The following NCOR2 variants were observed in gnomAD, a reference collection of about 807,000 sequenced individuals.
NCOR2 encodes nuclear receptor corepressor 2.
NCOR2 carries 81 observed loss-of-function variants against 262.9 expected under a neutral mutation model. The observed-to-expected ratio is 0.31, with a 90% CI of 0.26 to 0.37. The LOEUF (loss-of-function observed/expected upper bound fraction) is 0.37, where lower values mean the gene tolerates loss of function less well. Among genes scored for constraint, NCOR2 ranks in the 10% least tolerant of loss-of-function variants. NCOR2 has a pLI of 1.00. For synonymous variants in NCOR2, 1,659 were observed against 1,559.3 expected (o/e 1.06, Z -1.51); for missense variants, 3,385 against 3,621.4 (o/e 0.93, Z 1.68).
chr12:124,432,524 G>A lies in NCOR2; in HGVS notation c.883-1737C>T, dbSNP rs574238435. On this transcript the variant is annotated intron_variant, in intron 8 of 46. Coordinates refer to ENST00000405201, the Ensembl canonical transcript of NCOR2. This position sits in a 1 kb window ranked among gnomAD's most constrained non-coding sequence, Gnocchi z 5.1. The stretch of plus-strand genomic sequence containing the variant: ...AGCAGCCACATGCGGCTGGGGCTCC[G>A]GCCGCACCAGACAGCCCGGATGGAG... Among the ~76,000 whole-genome samples, 183 of 152,262 alleles carry A rather than the reference G, an allele frequency of 1.2e-3. 3 individuals carry two copies. Among genetic ancestry groups the A allele is most frequent in the African/African-American group, 4.1e-3 (171 of 41,534 alleles).
chr12:124,326,231 CG>C lies in NCOR2; in HGVS notation c.7322del (p.Pro2441ArgfsTer24). 6.5e-7 allele frequency: 1 copy of C among 1,539,740 alleles called. No individual in the cohort carries two copies. Among genetic ancestry groups the C allele is most frequent in the Non-Finnish European group, 8.7e-7 (1 of 1,143,640 alleles). On this transcript the variant is annotated frameshift_variant, in exon 46 of 47. Transcript: ENST00000405201. LOFTEE classifies it high-confidence loss of function. ...TGTCCTCCCACACGCGGTTGGTGAG[CG>C]GCGTCCGGCGGTTGCAGTCTCCCTC...
intron 1 of NCOR2, among the ~76,000 whole-genome samples, chr12:124,511,639 T>G (rs1444044452): frequency 6.6e-6 from 1 of 152,106 alleles, no homozygotes; most frequent in Non-Finnish European, 1.5e-5. Flanking sequence ...GTCTAGGGCC[T>G]TGTGGATTTG....
intron 13 of NCOR2, among the ~76,000 whole-genome samples, chr12:124,415,053 CCA>C (rs2042783201): frequency 6.6e-6 from 1 of 152,240 alleles, no homozygotes; most frequent in East Asian, 1.9e-4. Context: ...GCTCCCCAGC[CCA>C]CAGTCACCAA....
chr12:124,377,564 C>T (rs935425436), intron 18 of NCOR2, among the ~76,000 whole-genome samples: 1 of 152,134 alleles, frequency 6.6e-6, no homozygotes, highest in African/African-American at 2.4e-5. Context: ...TCGGGCCTGA[C>T]GTGGTGACTC....
At chr12:124,325,377 G>GCC (rs58967881) in exon 47 of NCOR2, 14,384 of 247,980 alleles carry the variant, frequency 0.058, 2,117 homozygotes, top group Middle Eastern at 0.084. Flanking sequence ...ACCTGACACC[G>GCC]CCCCCCCCCC....
chr12:124,340,321 C>T (rs950341670), exon 36 of NCOR2: 6 of 1,612,432 alleles, frequency 3.7e-6, no homozygotes, highest in Non-Finnish European at 5.1e-6. Context: ...GCGTGCTCCA[C>T]CGTCGTGGTG....
intron 42 of NCOR2, among the ~76,000 whole-genome samples, chr12:124,332,787 G>A (rs1021087147): frequency 3.3e-5 from 5 of 152,274 alleles, no homozygotes; most frequent in South Asian, 2.1e-4. Context: ...CAGGGGCAGC[G>A]GGCCCAGCTT....
chr12:124,444,260 C>G (rs935276880), intron 7 of NCOR2, among the ~76,000 whole-genome samples: 7 of 152,274 alleles, frequency 4.6e-5, no homozygotes, highest in Non-Finnish European at 8.8e-5. Context: ...ATGGGGTAAG[C>G]AGCATGTGAT....
intron 16 of NCOR2, chr12:124,388,872 G>T: frequency 1.1e-6 from 1 of 889,390 alleles, no homozygotes; most frequent in Non-Finnish European, 1.4e-6. Flanking sequence ...CGGTGAGGGA[G>T]GGAGGGAGGG....
At chr12:124,505,882 C>A (rs2049012502) in intron 1 of NCOR2, among the ~76,000 whole-genome samples, 1 of 152,158 alleles carries the variant, frequency 6.6e-6, no homozygotes, top group Admixed American at 6.5e-5. Flanking sequence ...CTCAAGTGAG[C>A]CCAAATGCCC....
chr12:124,422,370 G>C (rs971534874), intron 12 of NCOR2, 131 bp downstream of exon 14: 10 of 1,018,174 alleles, frequency 9.8e-6, no homozygotes, highest in Middle Eastern at 4.8e-4. Context: ...GAGGAGGGGA[G>C]CATGGCAGCT....
In NCOR2 at chr12:124,512,091, T is replaced by G. The variant is rs1037178202; in HGVS notation, c.-117-16723A>C. On this transcript the variant is annotated intron_variant, in intron 1 of 46. Coordinates refer to the NCOR2 transcript ENST00000404621. ...CACATCCGGCTAATTTTTGTGCTTT[T>G]TGTAGAGACAGGGTCTCGCCATGTT... Among the ~76,000 whole-genome samples, 120 of 152,310 alleles carry G rather than the reference T, an allele frequency of 7.9e-4. 1 individual carries two copies. The highest frequency in any genetic ancestry group is 1.0e-4 in the Non-Finnish European group (7 of 68,038).
chr12:124,417,121 ACGGAGAGCAGACCAGACAC>A (rs1229523074), intron 13 of NCOR2, among the ~76,000 whole-genome samples: 2 of 150,310 alleles, frequency 1.3e-5, no homozygotes, highest in African/African-American at 2.5e-5. Context: ...CAGTCACTCC[ACGGAGAGCAGACCAGACAC>A]TCACTCCACG....
chr12:124,345,003 C>T (rs370169860), intron 31 of NCOR2, 52 bp from the exon 34 acceptor site: 6 of 1,415,594 alleles, frequency 4.2e-6, no homozygotes, highest in Admixed American at 2.4e-5. Flanking sequence ...ATAGCCCAGA[C>T]CAGCTGCATC....
chr12:124,358,718 C>T (rs569931665), intron 22 of NCOR2, among the ~76,000 whole-genome samples: 44 of 152,352 alleles, frequency 2.9e-4, no homozygotes, highest in African/African-American at 8.4e-4. Context: ...AGCGGTTGTG[C>T]GCTGGCTGGC....
upstream of NCOR2, among the ~76,000 whole-genome samples, chr12:124,500,139 G>A (rs2048618980): frequency 6.6e-6 from 1 of 152,112 alleles, no homozygotes; most frequent in Admixed American, 6.5e-5. Context: ...GTGAGGTCAA[G>A]GGACTTGTAG....
intron 8 of NCOR2, among the ~76,000 whole-genome samples, 191 bp from the exon 11 acceptor site, chr12:124,430,978 ACACACAGGCACACAAG>A (rs1388213210): frequency 6.6e-6 from 1 of 152,020 alleles, no homozygotes; most frequent in Non-Finnish European, 1.5e-5. Flanking sequence ...ACAGTCAGAT[ACACACAGGCACACAAG>A]CACACAGGCA....
Position 124,424,155 on chromosome 12 carries a change from A to G in NCOR2, c.1329-1600T>C, listed in dbSNP as rs144767253. 1.5e-3 allele frequency among the ~76,000 whole-genome samples: 234 copies of G among 152,328 alleles called. 2 individuals carry two copies. In the East Asian group the frequency reaches 0.042, roughly 28 times the overall value. ...GACATTATCAGACCTGCAGAGCCAC[A>G]TGAGATCTTCCGAAAGGCTGAAGCC... On this transcript the variant is annotated intron_variant, in intron 11 of 46. Transcript: ENST00000405201.
intron 28 of NCOR2, among the ~76,000 whole-genome samples, chr12:124,349,578 CT>C (rs2037257422): frequency 6.6e-6 from 1 of 152,056 alleles, no homozygotes; most frequent in Non-Finnish European, 1.5e-5. Flanking sequence ...TCCCCATTCC[CT>C]ACAGTCCTCC....
Sources: gnomAD v4.1 joint callset for allele counts (sites outside exome capture counted in the v4.1 genomes callset) on GRCh38, gnomAD v4.1.1 for gene constraint, Gnocchi (gnomAD v3.1) non-coding constraint, MANE v1.5 for transcripts, NCBI Gene and HGNC (gene_info 2026-07-23, HGNC 2026-07-21) for gene names.